ZFPM2: variants seen among roughly 807,000 people sequenced by gnomAD.
The protein encoded by ZFPM2 is zinc finger protein ZFPM2.
Under a neutral mutation model 98.6 loss-of-function variants are expected in ZFPM2, and 20 were observed. The ratio of observed to expected loss-of-function variants is 0.20; its 90% confidence interval spans 0.14 to 0.29. The LOEUF (loss-of-function observed/expected upper bound fraction) is 0.29, where lower values mean the gene tolerates loss of function less well. ZFPM2 is among the 10% of genes least tolerant of loss of function. ZFPM2 has a pLI of 1.00. For missense variants in ZFPM2, 1,310 were observed against 1,388.6 expected, an observed-to-expected ratio of 0.94 and a Z score of 0.90; for synonymous variants, 518 against 502.7, an observed-to-expected ratio of 1.03 and a Z score of -0.41.
intron 5 of ZFPM2, among the ~76,000 whole-genome samples, chr8:105,786,660 A>T (rs548809921): frequency 6.6e-6 from 1 of 152,264 alleles, no homozygotes. Flanking sequence ...TTAATGATGC[A>T]CACAAATGAT....
intron 4 of ZFPM2, among the ~76,000 whole-genome samples, chr8:105,573,205 A>C (rs1815394583): frequency 6.6e-6 from 1 of 152,100 alleles, no homozygotes; most frequent in African/African-American, 2.4e-5. Flanking sequence ...CCTCTGAGCA[A>C]GCAGATGAGA....
At chr8:105,447,428 G>T (rs973209304) in intron 3 of ZFPM2, among the ~76,000 whole-genome samples, 5 of 152,014 alleles carry the variant, frequency 3.3e-5, no homozygotes, top group Admixed American at 6.6e-5. Flanking sequence ...TACATGAAAT[G>T]TCAGTGATCA....
rs766044463 is a variant in ZFPM2 at position 105,798,976 on chromosome 8, G to C, written c.964+28G>C. ...AAATGCCCCTTTTGTTTCTTCTGTTGCTCCAGAAGACTCTGTTATTTTTAT... is the reference window on the plus strand; with the variant it reads ...AAATGCCCCTTTTGTTTCTTCTGTTCCTCCAGAAGACTCTGTTATTTTTAT... On this transcript the variant is annotated intron_variant, in intron 7 of 7. Coordinates refer to ENST00000407775, the MANE Select transcript of ZFPM2 (RefSeq NM_012082.4). 1.2e-5 allele frequency: 19 copies of C among 1,580,848 alleles called. No individual in the cohort carries two copies. The South Asian group carries it at 1.7e-4, about 14-fold the overall frequency.
intron 5 of ZFPM2, among the ~76,000 whole-genome samples, chr8:105,664,360 T>TGTGTGC (rs549592245): frequency 6.9e-6 from 1 of 144,450 alleles, no homozygotes. Flanking sequence ...TGTGTGTGTG[T>TGTGTGC]GACAGAGTTT....
chr8:105,465,522 TAA>T (rs1172421855), intron 3 of ZFPM2, among the ~76,000 whole-genome samples: 21 of 151,952 alleles, frequency 1.4e-4, no homozygotes. Flanking sequence ...CAACAAATAC[TAA>T]GATTAGATTT....
At chr8:105,629,494 T>G (rs13254873) in intron 4 of ZFPM2, among the ~76,000 whole-genome samples, 30,857 of 152,150 alleles carry the variant, frequency 0.2, 3,169 homozygotes, top group South Asian at 0.26. Context: ...AGCTTTCTAT[T>G]GCTGCTGAAA....
At chr8:105,760,203 A>G (rs1812704788) in intron 5 of ZFPM2, among the ~76,000 whole-genome samples, 1 of 151,978 alleles carries the variant, frequency 6.6e-6, no homozygotes, top group Admixed American at 6.6e-5. Flanking sequence ...AAAGAGCTTT[A>G]CCAATGTGCC....
intron 5 of ZFPM2, among the ~76,000 whole-genome samples, chr8:105,753,098 C>T (rs1374283853): frequency 6.6e-6 from 1 of 152,112 alleles, no homozygotes; most frequent in East Asian, 1.9e-4. Flanking sequence ...GGGCGTGCTC[C>T]TCTCTCAGCA....
At chr8:105,583,370 TG>T (rs1231758380) in intron 4 of ZFPM2, among the ~76,000 whole-genome samples, 1 of 152,088 alleles carries the variant, frequency 6.6e-6, no homozygotes, top group Non-Finnish European at 1.5e-5. Flanking sequence ...TTTTGCATAA[TG>T]GGTGTGAAAA....
At chr8:105,769,965 C>T (rs1231529026) in intron 5 of ZFPM2, among the ~76,000 whole-genome samples, 1 of 152,038 alleles carries the variant, frequency 6.6e-6, no homozygotes, top group Non-Finnish European at 1.5e-5. Context: ...ATCTGTTGTA[C>T]TTTTCTTATA....
intron 1 of ZFPM2, chr8:105,387,800 G>C (rs1811031407): frequency 6.5e-6 from 1 of 152,924 alleles, no homozygotes; most frequent in Admixed American, 6.5e-5. Context: ...AGGCAGAGGA[G>C]GACTCGAGAA....
intron 4 of ZFPM2, among the ~76,000 whole-genome samples, chr8:105,629,316 G>T (rs77215052): frequency 0.086 from 13,107 of 152,226 alleles, 997 homozygotes; most frequent in East Asian, 0.36. Flanking sequence ...GAAATATCCT[G>T]CTTCATAATG....
chr8:105,679,705 G>A (rs1322223677), intron 5 of ZFPM2, among the ~76,000 whole-genome samples: 3 of 151,746 alleles, frequency 2.0e-5, no homozygotes, highest in Non-Finnish European at 4.4e-5. Context: ...GCTGAGGTGT[G>A]GGGATCACTT....
intron 6 of ZFPM2, among the ~76,000 whole-genome samples, chr8:105,793,511 C>G (rs1813690898): frequency 1.3e-5 from 2 of 152,004 alleles, no homozygotes; most frequent in African/African-American, 2.4e-5. Context: ...CTCTGGCTGC[C>G]CTTAACATTT....
chr8:105,328,719 G>T (rs1374925542), intron 1 of ZFPM2, among the ~76,000 whole-genome samples: 1 of 151,708 alleles, frequency 6.6e-6, no homozygotes, highest in Non-Finnish European at 1.5e-5. Context: ...AATTTGTATT[G>T]TGCACACTTA....
intron 4 of ZFPM2, among the ~76,000 whole-genome samples, chr8:105,607,283 C>G (rs1816215638): frequency 6.6e-6 from 1 of 152,048 alleles, no homozygotes; most frequent in Admixed American, 6.6e-5. Context: ...AAAACCTTAT[C>G]TTTTTTAACT....
intron 5 of ZFPM2, among the ~76,000 whole-genome samples, chr8:105,717,380 T>G (rs567068963): frequency 6.6e-6 from 1 of 152,150 alleles, no homozygotes; most frequent in South Asian, 2.1e-4. Flanking sequence ...ACATCAGTAT[T>G]GTCATTATTT....
rs918839655 is a variant in ZFPM2, at chr8:105,386,667, T to C, written c.41-32477T>C. Among the ~76,000 whole-genome samples, 4 of 152,084 alleles carry C rather than the reference T, an allele frequency of 2.6e-5. No homozygotes were observed. In the East Asian group the frequency reaches 5.8e-4, roughly 22 times the overall value. ...GAGCGAAAGAACAAAGCTTCCACAA[T>C]GTGGAAGGGGACCCCAGCAGGTTGC... On this transcript the variant is annotated intron_variant, in intron 1 of 7. Transcript: ENST00000407775.
At chr8:105,517,321 T>G (rs2130531334) in intron 3 of ZFPM2, among the ~76,000 whole-genome samples, 1 of 152,318 alleles carries the variant, frequency 6.6e-6, no homozygotes, top group South Asian at 2.1e-4. Context: ...ATACACGCTG[T>G]TACTCTTAAA....
Sources: allele counts gnomAD v4.1 joint callset (sites outside exome capture counted in the v4.1 genomes callset), GRCh38; gene constraint gnomAD v4.1.1; transcripts MANE v1.5; gene names NCBI Gene and HGNC (gene_info 2026-07-23, HGNC 2026-07-21).